Variants in SNTG2 observed in about 807,000 individuals in gnomAD.
The protein encoded by SNTG2 is syntrophin gamma 2, also known as gamma-2-syntrophin.
SNTG2 carries 74 observed loss-of-function variants against 70.9 expected under a neutral mutation model. The observed-to-expected ratio is 1.04, with a 90% CI of 0.86 to 1.27. The LOEUF is 1.27. Among genes scored for constraint, SNTG2 ranks in the 50% most tolerant of loss-of-function variants. The probability of loss-of-function intolerance (pLI) is 0.00; values close to 1 mark genes in which losing one functional copy is unlikely to be tolerated. For synonymous variants in SNTG2, 278 were observed against 273.8 expected, an observed-to-expected ratio of 1.02 and a Z score of -0.15; for missense variants, 717 against 690.7, an observed-to-expected ratio of 1.04 and a Z score of -0.43.
At chr2:1,098,556 G>A in intron 4 of SNTG2, 146 bp downstream of exon 4, 1 of 902,454 alleles carries the variant, frequency 1.1e-6, no homozygotes, top group African/African-American at 1.6e-5. Flanking sequence ...TTGTTTCAAA[G>A]GATGCTTCTT....
At chr2:1,350,477 C>G (rs76787665) in intron 16 of SNTG2, among the ~76,000 whole-genome samples, 2,139 of 152,322 alleles carry the variant, frequency 0.014, 49 homozygotes, top group African/African-American at 0.047. Flanking sequence ...ATCCATTGTA[C>G]TAATCTGTAT....
At chr2:1,255,236 C>T (rs188932428) in intron 12 of SNTG2, among the ~76,000 whole-genome samples, 16 of 152,294 alleles carry the variant, frequency 1.1e-4, no homozygotes, top group Admixed American at 4.6e-4. Flanking sequence ...GTAAGGAATT[C>T]GTTTGCAATT....
intron 1 of SNTG2, among the ~76,000 whole-genome samples, chr2:1,006,159 G>T (rs1336196655): frequency 1.6e-5 from 2 of 127,844 alleles, no homozygotes; most frequent in Non-Finnish European, 3.2e-5. Context: ...CACACTCTGG[G>T]GACTGTGGTG....
chr2:1,262,345 G>A (rs999426546), intron 13 of SNTG2, among the ~76,000 whole-genome samples: 1 of 152,148 alleles, frequency 6.6e-6, no homozygotes, highest in African/African-American at 2.4e-5. Context: ...CCAAGGCTGG[G>A]CTCCATCCTT....
intron 1 of SNTG2, among the ~76,000 whole-genome samples, chr2:1,081,327 C>T (rs552817552): frequency 3.0e-4 from 46 of 152,206 alleles, no homozygotes; most frequent in Non-Finnish European, 5.9e-4. Flanking sequence ...TGAGAACGCA[C>T]ATCAAAGTCA....
intron 8 of SNTG2, among the ~76,000 whole-genome samples, chr2:1,184,016 C>T (rs765852989): frequency 3.3e-5 from 5 of 152,224 alleles, no homozygotes; most frequent in South Asian, 2.1e-4. Context: ...AGAATTTCAG[C>T]GAGTTGAATG....
At chr2:1,071,767 C>T (rs1173726063) in intron 1 of SNTG2, among the ~76,000 whole-genome samples, 1 of 152,054 alleles carries the variant, frequency 6.6e-6, no homozygotes, top group Non-Finnish European at 1.5e-5. Context: ...AAACAAAGGA[C>T]AATTCTTGAC....
intron 7 of SNTG2, among the ~76,000 whole-genome samples, chr2:1,165,931 C>CT (rs1487607739): frequency 1.3e-5 from 2 of 152,098 alleles, no homozygotes; most frequent in Admixed American, 1.3e-4. Flanking sequence ...TTGTATTTAT[C>CT]TATATGTTAA....
At chr2:1,139,229 T>TTTTGA (rs1668593069) in intron 6 of SNTG2, among the ~76,000 whole-genome samples, 1 of 152,050 alleles carries the variant, frequency 6.6e-6, no homozygotes, top group Admixed American at 6.5e-5. Context: ...TGTTTGTTTG[T>TTTTGA]TTTGTTTCAT....
At chr2:957,282 A>G (rs1324267665) in intron 1 of SNTG2, among the ~76,000 whole-genome samples, 2 of 152,070 alleles carry the variant, frequency 1.3e-5, no homozygotes, top group Admixed American at 1.3e-4. Context: ...CAGCCTTTGT[A>G]TTACCTCCTC....
At chr2:1,157,982 T>A (rs1468226378) in intron 6 of SNTG2, among the ~76,000 whole-genome samples, 1 of 152,216 alleles carries the variant, frequency 6.6e-6, no homozygotes, top group Non-Finnish European at 1.5e-5. Flanking sequence ...ATTTCAAAGT[T>A]ACCTTGGCCG....
At chr2:1,329,647 T>C (rs371290005) in intron 16 of SNTG2, among the ~76,000 whole-genome samples, 4 of 152,302 alleles carry the variant, frequency 2.6e-5, no homozygotes, top group South Asian at 4.1e-4. Context: ...AAAATATAAT[T>C]GCTTTTCTTT....
At chr2:991,372 T>TCACACAC (rs1661484339) in intron 1 of SNTG2, among the ~76,000 whole-genome samples, 1 of 140,264 alleles carries the variant, frequency 7.1e-6, no homozygotes, top group African/African-American at 2.6e-5. Flanking sequence ...TCTGTAATAT[T>TCACACAC]ACACACACAC....
At chr2:1,136,514 A>G (rs1668395847) in intron 4 of SNTG2, among the ~76,000 whole-genome samples, 1 of 152,166 alleles carries the variant, frequency 6.6e-6, no homozygotes, top group Non-Finnish European at 1.5e-5. Flanking sequence ...CGGTACCATT[A>G]CGTACACTGA....
chr2:1,363,711 A>G (rs867625853), intron 16 of SNTG2, among the ~76,000 whole-genome samples: 2 of 152,254 alleles, frequency 1.3e-5, no homozygotes, highest in Admixed American at 6.5e-5. Context: ...AAAATTCATA[A>G]TTCAAGATAG....
intron 14 of SNTG2, among the ~76,000 whole-genome samples, chr2:1,302,071 C>T (rs1396267601): frequency 1.3e-5 from 2 of 151,902 alleles, no homozygotes; most frequent in East Asian, 1.9e-4. Context: ...AAGAGATTCT[C>T]CTGCCTCATC....
At chr2:1,145,852 C>T (rs1669066773) in intron 6 of SNTG2, among the ~76,000 whole-genome samples, 1 of 152,138 alleles carries the variant, frequency 6.6e-6, no homozygotes, top group Admixed American at 6.5e-5. Flanking sequence ...AAGAATTACA[C>T]ACCACAACCA....
At chr2:1,139,521 C>G (rs1668613870) in intron 6 of SNTG2, among the ~76,000 whole-genome samples, 1 of 152,152 alleles carries the variant, frequency 6.6e-6, no homozygotes, top group Non-Finnish European at 1.5e-5. Flanking sequence ...CAGGTGTGAG[C>G]TGCCACACTC....
At chr2:1,105,493 C>T (rs1170620023) in intron 4 of SNTG2, among the ~76,000 whole-genome samples, 11 of 152,200 alleles carry the variant, frequency 7.2e-5, no homozygotes, top group African/African-American at 1.4e-4. Flanking sequence ...GAACCACACA[C>T]GTACGTGCTC....
Sources: gnomAD v4.1 joint callset for allele counts (sites outside exome capture counted in the v4.1 genomes callset) on GRCh38, gnomAD v4.1.1 for gene constraint, MANE v1.5 for transcripts, NCBI Gene and HGNC (gene_info 2026-07-23, HGNC 2026-07-21) for gene names.